The following LRRTM4 variants were observed in gnomAD, a reference collection of about 807,000 sequenced individuals.
LRRTM4 encodes leucine rich repeat transmembrane neuronal 4.
LRRTM4 carries 25 observed loss-of-function variants against 47.6 expected under a neutral mutation model. The ratio of observed to expected loss-of-function variants is 0.53; its 90% CI spans 0.38 to 0.73. LRRTM4 has a LOEUF of 0.73. Among genes scored for constraint, LRRTM4 ranks in the 30% least tolerant of loss-of-function variants. LRRTM4 has a pLI of 0.00. For missense variants in LRRTM4, 638 were observed against 713.4 expected, an observed-to-expected ratio of 0.89 and a Z score of 1.20; for synonymous variants, 311 against 269.5, an observed-to-expected ratio of 1.15 and a Z score of -1.51.
intron 3 of LRRTM4, among the ~76,000 whole-genome samples, chr2:76,772,044 G>A (rs1416111457): frequency 6.6e-6 from 1 of 152,200 alleles, no homozygotes; most frequent in East Asian, 1.9e-4. Context: ...ACCGAATGTT[G>A]TATCTCCCTA....
chr2:76,989,958 T>C (rs1392987436), intron 3 of LRRTM4: 1 of 151,812 alleles, frequency 6.6e-6, no homozygotes, highest in African/African-American at 2.4e-5. Flanking sequence ...ACTTATATTG[T>C]TAATCATATT....
chr2:77,081,156 A>G (rs1289039396), intron 3 of LRRTM4, among the ~76,000 whole-genome samples: 1 of 151,270 alleles, frequency 6.6e-6, no homozygotes, highest in Non-Finnish European at 1.5e-5. Flanking sequence ...TATACTTTTT[A>G]TCTGTCCCTC....
chr2:77,216,387 C>A (rs1217421580), intron 3 of LRRTM4, among the ~76,000 whole-genome samples: 1 of 152,074 alleles, frequency 6.6e-6, no homozygotes, highest in African/African-American at 2.4e-5. Context: ...AGTATTTGGG[C>A]CGGGCGCGGT....
rs563700910 is a variant in LRRTM4, at chr2:76,933,477, AG to A, written c.1552-184562del. Among the ~76,000 whole-genome samples the A allele has an allele frequency of 2.2e-3, 331 of 152,268 alleles. 7 individuals carry two copies. The highest frequency in any genetic ancestry group is 7.7e-3 in the African/African-American group (321 of 41,562). ...TTATCTTCCAAAAGTAATTTCAAAA[AG>A]GTAAATAGAATTGGGGTATGTAAAA... On this transcript the variant is annotated intron_variant, in intron 3 of 3. Coordinates refer to ENST00000409884, the MANE Select transcript of LRRTM4 (RefSeq NM_001134745.3).
chr2:77,291,276 G>A (rs915687414), intron 3 of LRRTM4, among the ~76,000 whole-genome samples: 6 of 152,014 alleles, frequency 3.9e-5, no homozygotes, highest in Non-Finnish European at 8.8e-5. Flanking sequence ...GGTATAAAAA[G>A]TGAAGTTTTC....
intron 3 of LRRTM4, among the ~76,000 whole-genome samples, chr2:76,776,365 G>T (rs1212772541): frequency 2.0e-5 from 3 of 152,100 alleles, no homozygotes; most frequent in Middle Eastern, 3.2e-3. Context: ...CTAGTTTACA[G>T]TCCCACCAAC....
At chr2:77,129,290 T>C (rs934532080) in intron 3 of LRRTM4, among the ~76,000 whole-genome samples, 5 of 152,218 alleles carry the variant, frequency 3.3e-5, no homozygotes, top group Admixed American at 6.5e-5. Context: ...TGGTAATCAA[T>C]GATTTCAAGC....
chr2:76,898,603 G>A (rs1391066917), intron 3 of LRRTM4, among the ~76,000 whole-genome samples: 1 of 147,640 alleles, frequency 6.8e-6, no homozygotes, highest in South Asian at 2.1e-4. Flanking sequence ...GGGTGGTAAT[G>A]CAAAATAATT....
At chr2:77,396,464 T>C (rs1207201505) in intron 3 of LRRTM4, among the ~76,000 whole-genome samples, 1 of 151,938 alleles carries the variant, frequency 6.6e-6, no homozygotes, top group African/African-American at 2.4e-5. Context: ...CAGCTTTGCA[T>C]ACTGTGAGAA....
At chr2:76,876,632 A>C (rs966054808) in intron 3 of LRRTM4, among the ~76,000 whole-genome samples, 1 of 151,980 alleles carries the variant, frequency 6.6e-6, no homozygotes, top group Non-Finnish European at 1.5e-5. Context: ...ATAATTCTTT[A>C]TGCTCTACTT....
intron 3 of LRRTM4, among the ~76,000 whole-genome samples, chr2:77,056,532 A>C (rs1679614711): frequency 6.6e-6 from 1 of 152,160 alleles, no homozygotes; most frequent in Non-Finnish European, 1.5e-5. Flanking sequence ...AATCAATAAA[A>C]GGATAAAGAG....
rs574387262 is a variant in LRRTM4 at position 76,748,223 on chromosome 2, A to C, written c.*472T>G. The stretch of plus-strand genomic sequence containing the variant: ...AACAAACAGCATTTTTAAAGAAAAA[A>C]TAAATGAAAGCAATTTAAATAAAAT... On this transcript the variant is annotated 3_prime_UTR_variant, in exon 4 of 4. Transcript: ENST00000409884. 1 of 154,026 alleles carries C rather than the reference A, an allele frequency of 6.5e-6. No homozygotes were observed. Among genetic ancestry groups the C allele is most frequent in the South Asian group, 2.0e-4 (1 of 4,928 alleles). The allele number at this position is 154,026 out of a possible 1,614,324, so 9.5% of individuals were successfully genotyped here.
chr2:77,169,546 G>C (rs919833598), intron 3 of LRRTM4, among the ~76,000 whole-genome samples: 1 of 151,482 alleles, frequency 6.6e-6, no homozygotes, highest in African/African-American at 2.4e-5. Flanking sequence ...CTGCTTTCAC[G>C]GATGGGTTAA....
chr2:77,023,379 A>G (rs1229298143), intron 3 of LRRTM4, among the ~76,000 whole-genome samples: 1 of 152,190 alleles, frequency 6.6e-6, no homozygotes, highest in African/African-American at 2.4e-5. Flanking sequence ...ATTAACTAAC[A>G]TTCAGCACTG....
chr2:77,483,060 G>A (rs1039365018), intron 3 of LRRTM4, among the ~76,000 whole-genome samples: 5 of 142,196 alleles, frequency 3.5e-5, no homozygotes, highest in African/African-American at 1.3e-4. Context: ...GGCAGAGGTT[G>A]CAGCGAGCCG....
chr2:76,991,730 T>C (rs1677017108), intron 3 of LRRTM4, among the ~76,000 whole-genome samples: 1 of 151,692 alleles, frequency 6.6e-6, no homozygotes, highest in Non-Finnish European at 1.5e-5. Flanking sequence ...GTACCAATTC[T>C]ACTGAAACTA....
intron 3 of LRRTM4, among the ~76,000 whole-genome samples, chr2:77,288,004 A>G (rs1177422063): frequency 2.0e-5 from 3 of 152,110 alleles, no homozygotes; most frequent in Admixed American, 6.6e-5. Flanking sequence ...TTCTTCAAGG[A>G]AAAACAAACA....
chr2:76,967,503 T>C (rs77802119), intron 3 of LRRTM4, among the ~76,000 whole-genome samples: 3,120 of 151,610 alleles, frequency 0.021, 90 homozygotes, highest in African/African-American at 0.067. Flanking sequence ...CTCCTTGGTA[T>C]TGTTGAAATG....
chr2:76,796,366 GC>G (rs1391226136), intron 3 of LRRTM4, among the ~76,000 whole-genome samples: 1 of 128,692 alleles, frequency 7.8e-6, no homozygotes, highest in Non-Finnish European at 1.6e-5. Context: ...TGGGGGCAGG[GC>G]ACAGACAAAC....
Sources: gnomAD v4.1 joint callset for allele counts (sites outside exome capture counted in the v4.1 genomes callset) on GRCh38, gnomAD v4.1.1 for gene constraint, MANE v1.5 for transcripts, NCBI Gene and HGNC (gene_info 2026-07-23, HGNC 2026-07-21) for gene names.